PNCK: variants seen among roughly 807,000 people sequenced by gnomAD.
The protein encoded by PNCK is calcium/calmodulin-dependent protein kinase type 1B.
A neutral mutation model predicts 28.3 loss-of-function variants in PNCK; 21 were observed. That is an observed-to-expected ratio of 0.74 (90% confidence interval 0.53 to 1.07). The LOEUF is 1.07. Ranked by LOEUF, PNCK falls within the 50% of genes least tolerant of loss-of-function variation. The probability of loss-of-function intolerance (pLI) is 0.00; values close to 1 mark genes in which losing one functional copy is unlikely to be tolerated. For missense variants in PNCK, 250 were observed against 298.3 expected, an observed-to-expected ratio of 0.84 and a Z score of 1.19; for synonymous variants, 136 against 125.2, an observed-to-expected ratio of 1.09 and a Z score of -0.58.
chrX:153,675,962 GCTTTT>G (rs1287621213), upstream of PNCK, among the ~76,000 whole-genome samples: 5 of 105,560 alleles, frequency 4.7e-5, no homozygotes, highest in Non-Finnish European at 7.8e-5. Context: ...GGGCAACATA[GCTTTT>G]CTTTTCTTTT....
chrX:153,670,854 G>A lies in PNCK; in HGVS notation c.807-23C>T, dbSNP rs782470817. 8 of 1,209,202 alleles carry A rather than the reference G, an allele frequency of 6.6e-6. No homozygotes were observed. In the African/African-American group the frequency reaches 1.4e-4, roughly 21 times the overall value. On this transcript the variant is annotated intron_variant, in intron 9 of 11. Coordinates refer to ENST00000340888, the MANE Select transcript of PNCK (RefSeq NM_001366977.1). ...ATCCTGGGGAAAGGCTGAAGGTCAG[G>A]GGGGGTCTCTCTGCAAATGCAGGCC...
At chrX:153,677,547 A>G (rs782384797), upstream of PNCK, among the ~76,000 whole-genome samples, 29 of 102,682 alleles carry the variant, frequency 2.8e-4, no homozygotes, top group African/African-American at 6.7e-4. Context: ...CATAGTGTGT[A>G]TATATATATA....
At chrX:153,674,063 C>T (rs2091348805), upstream of PNCK, 6 of 1,206,455 alleles carry the variant, frequency 5.0e-6, no homozygotes, top group Non-Finnish European at 6.7e-6. Context: ...GTGGCTGTCT[C>T]CCGGAGAGCT....
At position 153,671,061 on chromosome X, in the gene PNCK, G is replaced by GC; in HGVS notation, c.727+16dup. 1 of 1,212,007 alleles carries GC rather than the reference G, an allele frequency of 8.3e-7. No homozygotes were observed. The highest frequency in any genetic ancestry group is 1.1e-6 in the Non-Finnish European group (1 of 895,502). The stretch of plus-strand genomic sequence containing the variant: ...TCCCTTGCATCACCTCCAAGCACGG[G>GC]CCAGCCTCAAGCTCACCTGATTCTG... On this transcript the variant is annotated intron_variant, in intron 8 of 11. Coordinates refer to ENST00000340888, the MANE Select transcript of PNCK (RefSeq NM_001366977.1).
upstream of PNCK, chrX:153,674,067 G>C (rs781882774): frequency 5.8e-6 from 7 of 1,207,129 alleles, 1 homozygote; most frequent in South Asian, 1.2e-4. Flanking sequence ...CTGTCTCCCG[G>C]AGAGCTCTTC....
chrX:153,681,550 CCAAGAA>C (rs1380301456), intron 1 of PNCK, among the ~76,000 whole-genome samples: 1 of 111,538 alleles, frequency 9.0e-6, no homozygotes, highest in Non-Finnish European at 1.9e-5. Flanking sequence ...GTTAGGGCCA[CCAAGAA>C]CAAGGAGTCT....
chrX:153,677,349 T>A (rs73633738), upstream of PNCK, among the ~76,000 whole-genome samples: 2,727 of 110,382 alleles, frequency 0.025, 91 homozygotes, highest in African/African-American at 0.087. Flanking sequence ...TCTGTGCTCA[T>A]CCCTTATATT....
upstream of PNCK, chrX:153,675,314 C>T (rs1557041378): frequency 9.0e-6 from 1 of 111,415 alleles, no homozygotes; most frequent in Admixed American, 9.5e-5. Flanking sequence ...AAACTGCCCG[C>T]GTGGAAAGAG....
rs1458673681 is a variant in PNCK at position 153,669,966 on chromosome X, G to A, written c.*172C>T. On this transcript the variant is annotated 3_prime_UTR_variant, in exon 12 of 12. Coordinates refer to ENST00000340888, the MANE Select transcript of PNCK (RefSeq NM_001366977.1). ...TGCCCCCAGGCAGGGCAGAGCCTGG[G>A]GACAGACTTGGGGGTGCCCCATTCC... 1.5e-5 allele frequency: 5 copies of A among 325,321 alleles called. No homozygotes were observed. Among genetic ancestry groups the A allele is most frequent in the African/African-American group, 2.7e-5 (1 of 37,489 alleles). The allele number at this position is 325,321 out of a possible 1,213,427, so 26.8% of individuals were successfully genotyped here. A position where few individuals can be genotyped will look rare whatever the true frequency, so the allele number is the denominator to read the frequency against.
chrX:153,672,889 TCACA>T (rs782006845), intron 2 of PNCK, 116 bp downstream of exon 2: 7 of 930,899 alleles, frequency 7.5e-6, no homozygotes, highest in South Asian at 2.4e-5. Context: ...CCCTACATAT[TCACA>T]CACACACACA....
chrX:153,674,766 C>CT (rs1473543691), upstream of PNCK: 1 of 112,369 alleles, frequency 8.9e-6, no homozygotes, highest in African/African-American at 3.2e-5. Context: ...CTGGACCCCC[C>CT]TCGCTGCTCG....
chrX:153,670,783 A>G lies in PNCK; in HGVS notation c.855T>C (p.Ser285=). ...GAGCAAAGTTCTTCCGGATCTGCTC[A>G]CTGACAGAGCCTAAGATGTCCCTGT... ...AFDRDILGSV[S]EQIRKNFART... is the part of the protein sequence containing the mutation. Residue 285 remains serine (S), a synonymous_variant, in exon 10 of 12, where the codon AGT becomes AGC. Coordinates refer to ENST00000340888, the MANE Select transcript of PNCK (RefSeq NM_001366977.1). 2 of 1,211,562 alleles carry G rather than the reference A, an allele frequency of 1.7e-6. No individual in the cohort carries two copies. Among genetic ancestry groups the G allele is most frequent in the Non-Finnish European group, 2.2e-6 (2 of 894,984 alleles).
At chrX:153,673,965 G>A (rs1435463331), upstream of PNCK, 1 of 1,082,980 alleles carries the variant, frequency 9.2e-7, no homozygotes, top group Non-Finnish European at 1.2e-6. Flanking sequence ...CTCGGGTGCC[G>A]GCCGCCACCG....
upstream of PNCK, among the ~76,000 whole-genome samples, chrX:153,679,665 GA>G (rs2091386621): frequency 1.0e-5 from 1 of 98,366 alleles, no homozygotes; most frequent in African/African-American, 3.8e-5. Flanking sequence ...TCTGCCTCCT[GA>G]GTTCAAGCGA....
In PNCK at chrX:153,670,783, AC is replaced by A. The variant is rs2091286135; in HGVS notation, c.854del (p.Ser285MetfsTer100). The part of the protein sequence containing the change: ...AFDRDILGSV[S>X]EQIRKNFART... ...GAGCAAAGTTCTTCCGGATCTGCTCACTGACAGAGCCTAAGATGTCCCTGTC... is the reference window on the plus strand; with the variant it reads ...GAGCAAAGTTCTTCCGGATCTGCTCATGACAGAGCCTAAGATGTCCCTGTC... On this transcript the variant is annotated frameshift_variant, in exon 10 of 12. Transcript: ENST00000340888. LOFTEE classifies it high-confidence loss of function. 2 of 1,211,562 alleles carry A rather than the reference AC, an allele frequency of 1.7e-6. No individual in the cohort carries two copies. The highest frequency in any genetic ancestry group is 2.2e-6 in the Non-Finnish European group (2 of 894,984).
At chrX:153,673,169 T>C in intron 1 of PNCK, 91 bp from the exon 2 acceptor site, 1 of 1,179,520 alleles carries the variant, frequency 8.5e-7, no homozygotes, top group Admixed American at 2.4e-5. Context: ...CAGGCAGGCC[T>C]CAGCCATTGC....
intron 1 of PNCK, 58 bp downstream of exon 1, chrX:153,673,722 G>A (rs1189756010): frequency 9.0e-6 from 6 of 669,889 alleles, no homozygotes; most frequent in East Asian, 1.6e-4. Flanking sequence ...GGCGGCCGCG[G>A]GCCGGATCCG....
upstream of PNCK, among the ~76,000 whole-genome samples, chrX:153,677,738 AGTGTGTATATATAGT>A (rs1557041913): frequency 3.7e-5 from 3 of 81,162 alleles, no homozygotes; most frequent in African/African-American, 5.1e-5. Context: ...GTGTATATAT[AGTGTGTATATATAGT>A]GTGTATATAT....
chrX:153,681,358 T>G (rs951023323), intron 1 of PNCK, among the ~76,000 whole-genome samples: 1 of 111,381 alleles, frequency 9.0e-6, no homozygotes, highest in African/African-American at 3.3e-5. Context: ...CACTTCCCAG[T>G]GGAGAGACCC....
Sources: gnomAD v4.1 joint callset for allele counts (sites outside exome capture counted in the v4.1 genomes callset) on GRCh38, gnomAD v4.1.1 for gene constraint, MANE v1.5 for transcripts, NCBI Gene and HGNC (gene_info 2026-07-23, HGNC 2026-07-21) for gene names.